GABRA4: variants seen among roughly 807,000 people sequenced by gnomAD.
GABRA4 encodes the protein gamma-aminobutyric acid type A receptor subunit alpha4, also known as gamma-aminobutyric acid receptor subunit alpha-4.
A neutral mutation model predicts 49.7 loss-of-function variants in GABRA4; 12 were observed. That is an observed-to-expected ratio of 0.24 (90% confidence interval 0.15 to 0.39). The LOEUF is 0.39. Among genes scored for constraint, GABRA4 ranks in the 10% least tolerant of loss-of-function variants. GABRA4 has a pLI of 1.00. For missense variants in GABRA4, 506 were observed against 686.0 expected (o/e 0.74, Z 2.93); for synonymous variants, 288 against 240.2 (o/e 1.20, Z -1.84).
intron 6 of GABRA4, among the ~76,000 whole-genome samples, chr4:46,973,933 A>T (rs142041317): frequency 2.1e-4 from 32 of 151,952 alleles, no homozygotes; most frequent in East Asian, 1.8e-3. Flanking sequence ...AAAAAACAAG[A>T]TCAGACTTCC....
intron 7 of GABRA4, among the ~76,000 whole-genome samples, chr4:46,968,811 A>G (rs1295996944): frequency 2.0e-5 from 3 of 151,596 alleles, no homozygotes; most frequent in Non-Finnish European, 4.4e-5. Context: ...TGAGATGAAC[A>G]GTACCTGTCA....
chr4:46,952,262 T>G (rs1473709937), intron 8 of GABRA4, among the ~76,000 whole-genome samples: 1 of 152,034 alleles, frequency 6.6e-6, no homozygotes, highest in African/African-American at 2.4e-5. Flanking sequence ...TTCAGGATTA[T>G]TCATCGTGGC....
At chr4:46,944,150 G>T (rs761456875) in intron 8 of GABRA4, among the ~76,000 whole-genome samples, 6 of 152,042 alleles carry the variant, frequency 3.9e-5, no homozygotes, top group Non-Finnish European at 5.9e-5. Context: ...ACACAAAAAA[G>T]TATCTATGTT....
intron 8 of GABRA4, among the ~76,000 whole-genome samples, chr4:46,955,723 GGTTT>G (rs1560471111): frequency 1.3e-5 from 2 of 152,034 alleles, no homozygotes; most frequent in African/African-American, 2.4e-5. Flanking sequence ...TGAATATAAA[GGTTT>G]GTATTTCAGG....
Position 46,965,047 on chromosome 4 carries a change from T to C in GABRA4, c.1057A>G (p.Arg353Gly). The change falls in exon 8 of 9, where the codon AGG becomes GGG. Residue 353 changes from arginine to glycine, a missense_variant. Physicochemically the swap from Arg to Gly is moderately radical, Grantham distance 125. Coordinates refer to ENST00000264318, the MANE Select transcript of GABRA4 (RefSeq NM_000809.4). ...FTNIQMEKAK[R>G]KTSKPPQEVP... ...TCCTGAGGGGGCTTTGATGTCTTCC[T>C]TTTGGCTTTTTCCATTTGAATATTG... is the stretch of plus-strand genomic sequence containing the variant. 6.2e-7 allele frequency: 1 copy of C among 1,612,084 alleles called. No homozygotes were observed. Among genetic ancestry groups the C allele is most frequent in the Non-Finnish European group, 8.5e-7 (1 of 1,178,810 alleles).
chr4:46,971,567 C>G (rs576578534), intron 6 of GABRA4, among the ~76,000 whole-genome samples: 8 of 151,412 alleles, frequency 5.3e-5, no homozygotes, highest in Admixed American at 2.0e-4. Context: ...TTTTTAGAAA[C>G]AGCATTTAGA....
chr4:46,932,406 G>A (rs1002992543), intron 8 of GABRA4, among the ~76,000 whole-genome samples: 4 of 152,062 alleles, frequency 2.6e-5, no homozygotes, highest in Non-Finnish European at 1.5e-5. Flanking sequence ...ACTCACAAAT[G>A]TGGAGGAGGC....
At chr4:46,977,221 A>AAGGG (rs2109393136) in intron 4 of GABRA4, 78 bp from the exon 5 acceptor site, 1 of 831,478 alleles carries the variant, frequency 1.2e-6, no homozygotes, top group Non-Finnish European at 1.8e-6. Flanking sequence ...AATAGGAAGG[A>AAGGG]AGGGAGGGAA....
chr4:46,937,290 C>T (rs765752527), intron 8 of GABRA4, among the ~76,000 whole-genome samples: 8 of 152,186 alleles, frequency 5.3e-5, no homozygotes, highest in Admixed American at 2.0e-4. Flanking sequence ...ACTTTCTAGC[C>T]TCCAGAACTG....
At chr4:46,943,821 T>C (rs1268227476) in intron 8 of GABRA4, among the ~76,000 whole-genome samples, 4 of 152,136 alleles carry the variant, frequency 2.6e-5, no homozygotes, top group African/African-American at 9.7e-5. Context: ...ATTTTTAATG[T>C]GTAATACAGT....
chr4:46,940,829 G>A (rs1721763772), intron 8 of GABRA4, among the ~76,000 whole-genome samples: 3 of 152,110 alleles, frequency 2.0e-5, no homozygotes, highest in African/African-American at 7.2e-5. Context: ...ATCAGCTTAT[G>A]GTTTCCAATG....
At chr4:46,968,637 G>A (rs1722849030) in intron 7 of GABRA4, among the ~76,000 whole-genome samples, 2 of 151,528 alleles carry the variant, frequency 1.3e-5, no homozygotes, top group South Asian at 4.2e-4. Flanking sequence ...AACAATATTT[G>A]GCAAATCTGT....
At chr4:46,929,159 T>C (rs963857759) in intron 8 of GABRA4, among the ~76,000 whole-genome samples, 1 of 151,976 alleles carries the variant, frequency 6.6e-6, no homozygotes, top group East Asian at 1.9e-4. Context: ...AAGTTTTCTA[T>C]GTGTTTGTTT....
At chr4:46,984,028 C>T (rs185336324) in intron 2 of GABRA4, among the ~76,000 whole-genome samples, 26 of 152,086 alleles carry the variant, frequency 1.7e-4, no homozygotes, top group African/African-American at 5.5e-4. Flanking sequence ...AGGCAATTAA[C>T]GATGAATCAG....
intron 2 of GABRA4, among the ~76,000 whole-genome samples, chr4:46,988,058 A>G (rs769787867): frequency 6.6e-6 from 1 of 152,010 alleles, no homozygotes; most frequent in Non-Finnish European, 1.5e-5. Context: ...CCTATTATCT[A>G]CCTTCAGACC....
At position 46,949,198 on chromosome 4, in the gene GABRA4, TA is replaced by T. The variant is rs1316219609; in HGVS notation, c.1134+15771del. 1.1e-4 allele frequency among the ~76,000 whole-genome samples: 16 copies of T among 152,246 alleles called. No homozygotes were observed. The East Asian group carries it at 2.9e-3, about 28-fold the overall frequency. The stretch of plus-strand genomic sequence containing the variant: ...GCTACAAAGTGACTGGACAGTAAGT[TA>T]ACTGCAATCAAACATTATCACACAT... On this transcript the variant is annotated intron_variant, in intron 8 of 8. Transcript: ENST00000264318.
intron 8 of GABRA4, among the ~76,000 whole-genome samples, chr4:46,960,985 G>A (rs1158954918): frequency 1.3e-5 from 2 of 151,660 alleles, no homozygotes; most frequent in South Asian, 4.1e-4. Context: ...ACAAGGCAAA[G>A]CAAAATAAAA....
At chr4:46,954,398 A>T (rs34130578) in intron 8 of GABRA4, among the ~76,000 whole-genome samples, 78,450 of 151,380 alleles carry the variant, frequency 0.52, 20,516 homozygotes, top group East Asian at 0.66. Context: ...TCTACTAAAA[A>T]TACAAAAAAT....
Position 46,979,095 on chromosome 4 carries a change from G to A in GABRA4, c.209C>T (p.Pro70Leu). 1 of 1,597,628 alleles carries A rather than the reference G, an allele frequency of 6.3e-7. No individual in the cohort carries two copies. The highest frequency in any genetic ancestry group is 8.6e-7 in the Non-Finnish European group (1 of 1,166,178). The change falls in exon 3 of 9, where the codon CCT becomes CTT. Residue 70 changes from proline (P) to leucine (L), a missense_variant. Transcript: ENST00000264318. The stretch of plus-strand genomic sequence containing the variant: ...TATGTCAGTTTTCACTTCTGTAACA[G>A]GACCTAACGGGTATGAAGTAAATAA... ...DNRLRPGFGG[P>L]VTEVKTDIYV... is the part of the protein sequence containing the mutation.
Sources: allele counts gnomAD v4.1 joint callset (sites outside exome capture counted in the v4.1 genomes callset), GRCh38; gene constraint gnomAD v4.1.1; transcripts MANE v1.5; gene names NCBI Gene and HGNC (gene_info 2026-07-23, HGNC 2026-07-21).